The following VPS54 variants were observed in gnomAD, a reference collection of about 807,000 sequenced individuals.
VPS54 encodes VPS54 subunit of GARP complex, also known as vacuolar protein sorting-associated protein 54.
VPS54 carries 45 observed loss-of-function variants against 121.5 expected under a neutral mutation model. The ratio of observed to expected loss-of-function variants is 0.37; its 90% confidence interval spans 0.29 to 0.47. VPS54 has a LOEUF of 0.47. VPS54 is among the 20% of genes least tolerant of loss of function. VPS54 has a pLI of 0.99. For missense variants in VPS54, 1,090 were observed against 1,131.4 expected, an observed-to-expected ratio of 0.96 and a Z score of 0.52; for synonymous variants, 371 against 385.8, an observed-to-expected ratio of 0.96 and a Z score of 0.45.
Position 63,949,119 on chromosome 2 carries a change from T to C in VPS54, c.1055A>G (p.Lys352Arg). 6.2e-7 allele frequency: 1 copy of C among 1,611,616 alleles called. No homozygotes were observed. Among genetic ancestry groups the C allele is most frequent in the Non-Finnish European group, 8.5e-7 (1 of 1,179,330 alleles). Residue 352 changes from lysine (K) to arginine (R), a missense_variant, in exon 8 of 23, where the codon AAA becomes AGA. Physicochemically the swap from Lys to Arg is conservative, Grantham distance 26. Around this residue, in one of 2 missense-constraint regions of VPS54, gnomAD observed 801 missense variants for 757.0 expected, o/e 1.06. Coordinates refer to ENST00000272322, the MANE Select transcript of VPS54 (RefSeq NM_016516.3). ...QLCELEKLID[K>R]MMIAEFSTYS... ...AGTAGAAAATTCTGCAATCATCATTTTATCTATCAGTTTTTCTAATTCACA... is the reference window on the plus strand; with the variant it reads ...AGTAGAAAATTCTGCAATCATCATTCTATCTATCAGTTTTTCTAATTCACA...
chr2:63,989,476 C>A (rs934053311), intron 1 of VPS54, among the ~76,000 whole-genome samples: 2 of 152,182 alleles, frequency 1.3e-5, no homozygotes, highest in African/African-American at 2.4e-5. Context: ...CTTTATTTCT[C>A]AGACTGGCTG....
intron 21 of VPS54, among the ~76,000 whole-genome samples, chr2:63,899,028 C>CT (rs1672558396): frequency 6.6e-6 from 1 of 152,128 alleles, no homozygotes; most frequent in Non-Finnish European, 1.5e-5. Context: ...ATCTCTTATG[C>CT]TGACATAACA....
chr2:63,983,760 C>A (rs1240674409), intron 2 of VPS54, 104 bp downstream of exon 2: 6 of 1,395,066 alleles, frequency 4.3e-6, no homozygotes, highest in Non-Finnish European at 5.7e-6. Flanking sequence ...TGATTTTTAA[C>A]ATCATAAAAT....
intron 7 of VPS54, among the ~76,000 whole-genome samples, chr2:63,952,693 T>C (rs553587656): frequency 2.0e-5 from 3 of 152,304 alleles, no homozygotes; most frequent in African/African-American, 7.2e-5. Flanking sequence ...TTTCTTATAG[T>C]TAATAGACTA....
chr2:63,994,436 C>T (rs559427030), intron 1 of VPS54, among the ~76,000 whole-genome samples: 12 of 151,178 alleles, frequency 7.9e-5, no homozygotes, highest in South Asian at 2.1e-4. Context: ...CCTGGATGGA[C>T]GCTCCTGCAG....
chr2:63,913,923 C>T (rs752133609), intron 17 of VPS54: 43 of 1,258,012 alleles, frequency 3.4e-5, no homozygotes, highest in Non-Finnish European at 4.3e-5. Context: ...TCATGTTCAG[C>T]ACCTAACGAA....
intron 12 of VPS54, among the ~76,000 whole-genome samples, chr2:63,932,317 C>A (rs1281374914): frequency 6.6e-6 from 1 of 152,152 alleles, no homozygotes; most frequent in Non-Finnish European, 1.5e-5. Flanking sequence ...CCGTGGAATA[C>A]TATGCAGCCA....
intron 5 of VPS54, among the ~76,000 whole-genome samples, chr2:63,966,208 A>G (rs1367312835): frequency 6.6e-6 from 1 of 152,202 alleles, no homozygotes; most frequent in Non-Finnish European, 1.5e-5. Flanking sequence ...GGAGATGGTC[A>G]TTCTATTACT....
chr2:63,911,812 C>T (rs910161832), intron 20 of VPS54, among the ~76,000 whole-genome samples: 3 of 152,140 alleles, frequency 2.0e-5, no homozygotes, highest in Admixed American at 6.6e-5. Context: ...CCCACTAAGA[C>T]GTGAATTGAA....
chr2:64,012,499 G>A (rs973726028), intron 1 of VPS54, among the ~76,000 whole-genome samples: 2 of 140,994 alleles, frequency 1.4e-5, no homozygotes, highest in African/African-American at 2.6e-5. Context: ...AGTTTTTTCC[G>A]TTCATATCCA....
chr2:63,902,977 TAAC>T (rs1238389826), intron 20 of VPS54, among the ~76,000 whole-genome samples: 2 of 127,452 alleles, frequency 1.6e-5, no homozygotes, highest in African/African-American at 5.5e-5. Context: ...AAAAATAACA[TAAC>T]AACATAACAT....
In VPS54 at chr2:63,959,942, C is replaced by G. The variant is rs185461099; in HGVS notation, c.1010+2116G>C. 3.9e-3 allele frequency among the ~76,000 whole-genome samples: 590 copies of G among 152,140 alleles called. 2 individuals carry two copies. Among genetic ancestry groups the G allele is most frequent in the African/African-American group, 0.013 (535 of 41,514 alleles). On this transcript the variant is annotated intron_variant, in intron 7 of 22. Coordinates refer to ENST00000272322, the MANE Select transcript of VPS54 (RefSeq NM_016516.3). The stretch of plus-strand genomic sequence containing the variant: ...AGCTGAGGCAGGAGAATCGCTTGAA[C>G]CCGGGAGGAGGAGGTTGCAGTGAAC...
rs1676921187 is a variant in VPS54, at chr2:63,983,921, A to G, written c.79T>C (p.Ser27Pro). The G allele has an allele frequency of 1.2e-6, 2 of 1,613,548 alleles. No homozygotes were observed. Among genetic ancestry groups the G allele is most frequent in the African/African-American group, 1.3e-5 (1 of 74,862 alleles). The change falls in exon 2 of 23, where the codon TCA becomes CCA. Residue 27 changes from serine (S) to proline (P), a missense_variant. By Grantham distance (74) the Ser-to-Pro change is moderately conservative. Transcript: ENST00000272322. ...DVFFKIEVDP[S>P]KHIRPVPSLP... ...GATGGCACAGGTCGAATGTGTTTTG[A>G]CGGATCTACCTCTATTTTAAAGAAA...
chr2:63,981,954 C>T (rs1334525451), intron 2 of VPS54, 67 bp from the exon 3 acceptor site: 1 of 1,487,434 alleles, frequency 6.7e-7, no homozygotes, highest in African/African-American at 1.4e-5. Context: ...AAAGTACACA[C>T]TAGAAAACTA....
chr2:63,893,320 C>T lies in VPS54; in HGVS notation c.*110G>A, dbSNP rs773112085. On this transcript the variant is annotated 3_prime_UTR_variant, in exon 23 of 23. Transcript: ENST00000272322. The stretch of plus-strand genomic sequence containing the variant: ...ACTTTCCTTTTTCCCTTCCCCCACC[C>T]CAGTTCACTTTGGGTTTCAGGTTCA... 1 of 935,458 alleles carries T rather than the reference C, an allele frequency of 1.1e-6. No individual in the cohort carries two copies. Among genetic ancestry groups the T allele is most frequent in the South Asian group, 1.3e-5 (1 of 77,268 alleles). The allele number at this position is 935,458 out of a possible 1,614,324, so 57.9% of individuals were successfully genotyped here.
intron 1 of VPS54, among the ~76,000 whole-genome samples, chr2:64,002,463 G>A (rs963726839): frequency 6.6e-6 from 1 of 152,274 alleles, no homozygotes; most frequent in African/African-American, 2.4e-5. Flanking sequence ...GACATGAAGT[G>A]TTAAGCCACA....
intron 1 of VPS54, among the ~76,000 whole-genome samples, chr2:64,000,347 T>C (rs1677811836): frequency 6.6e-6 from 1 of 152,254 alleles, no homozygotes; most frequent in South Asian, 2.1e-4. Flanking sequence ...TTTTGATTTC[T>C]GTTTGAAAGG....
intron 10 of VPS54, among the ~76,000 whole-genome samples, chr2:63,942,991 G>A (rs1042525839): frequency 6.6e-6 from 1 of 152,202 alleles, no homozygotes; most frequent in African/African-American, 2.4e-5. Context: ...TAAAATAGCA[G>A]CAGCTTATTG....
At chr2:63,955,305 C>T (rs755279551) in intron 7 of VPS54, among the ~76,000 whole-genome samples, 3 of 151,722 alleles carry the variant, frequency 2.0e-5, no homozygotes, top group Non-Finnish European at 4.4e-5. Context: ...TAAATTTAGA[C>T]CTAATATTGC....
Sources: gnomAD v4.1 joint callset for allele counts (sites outside exome capture counted in the v4.1 genomes callset) on GRCh38, gnomAD v4.1.1 for gene constraint, gnomAD v4.1.1 regional missense constraint, MANE v1.5 for transcripts, NCBI Gene and HGNC (gene_info 2026-07-23, HGNC 2026-07-21) for gene names.